Variants in FGF17 observed in about 807,000 individuals in gnomAD.
FGF17 encodes fibroblast growth factor 17.
In FGF17, 5 loss-of-function variants were observed where a neutral mutation model predicts 23.5. The observed-to-expected ratio is 0.21, with a 90% CI of 0.11 to 0.45. The LOEUF (loss-of-function observed/expected upper bound fraction) is 0.45. FGF17 is among the 20% of genes least tolerant of loss of function. The pLI is 0.99. For missense variants in FGF17, 221 were observed against 306.9 expected (o/e 0.72, Z 2.09); for synonymous variants, 136 against 123.0 (o/e 1.11, Z -0.70).
Position 22,047,959 on chromosome 8 carries a change from A to G in FGF17, c.361A>G (p.Ser121Gly). The G allele has an allele frequency of 6.3e-7, 1 of 1,598,740 alleles. No homozygotes were observed. The highest frequency in any genetic ancestry group is 2.3e-5 in the East Asian group (1 of 44,416). Residue 121 changes from serine to glycine, a missense_variant, in exon 5 of 5, where the codon AGC becomes GGC. Ser to Gly is a moderately conservative substitution (Grantham distance 56). Around this residue, in one of 3 missense-constraint regions of FGF17, gnomAD observed 128 missense variants for 150.4 expected, o/e 0.85. Transcript: ENST00000359441. ...NKRGKLIGKP[S>G]GKSKDCVFTE... Reference sequence around the variant, plus strand: ...CCTGTCCTTGCTTCTCCCGCAGCCCAGCGGGAAGAGCAAAGACTGCGTGTT... The same window carrying G: ...CCTGTCCTTGCTTCTCCCGCAGCCCGGCGGGAAGAGCAAAGACTGCGTGTT...
chr8:22,047,876 G>C (rs1585544558), intron 4 of FGF17, 80 bp from the exon 5 acceptor site: 2 of 1,434,234 alleles, frequency 1.4e-6, no homozygotes, highest in East Asian at 4.7e-5. Flanking sequence ...CTCCTCAGTC[G>C]TCCAAAATAG....
intron 2 of FGF17, 200 bp from the exon 3 acceptor site, chr8:22,045,914 G>A (rs987387450): frequency 2.7e-6 from 4 of 1,482,522 alleles, no homozygotes; most frequent in Non-Finnish European, 3.6e-6. Context: ...AGTCCCTTCT[G>A]TAAGGTAGAC....
At chr8:22,047,837 G>C in intron 4 of FGF17, 119 bp from the exon 5 acceptor site, 1 of 974,940 alleles carries the variant, frequency 1.0e-6, no homozygotes, top group Non-Finnish European at 1.5e-6. Flanking sequence ...GAGTTCCCTG[G>C]GCTCACGGCC....
chr8:22,040,371 A>T (rs900227645), upstream of FGF17, among the ~76,000 whole-genome samples: 1 of 152,244 alleles, frequency 6.6e-6, no homozygotes, highest in South Asian at 2.1e-4. Flanking sequence ...CAAGGGCTCC[A>T]TGCTGCCTCC....
upstream of FGF17, among the ~76,000 whole-genome samples, chr8:22,039,712 G>A (rs988930217): frequency 2.0e-5 from 3 of 152,110 alleles, no homozygotes; most frequent in African/African-American, 7.2e-5. Context: ...TGAACAACAA[G>A]AATGAAACTC....
upstream of FGF17, among the ~76,000 whole-genome samples, chr8:22,040,988 C>A (rs372371386): frequency 2.3e-4 from 35 of 152,328 alleles, no homozygotes; most frequent in East Asian, 4.2e-3. Flanking sequence ...GGCACGCGGG[C>A]ACCTGGTACC....
chr8:22,048,726 G>T lies in FGF17; in HGVS notation c.*477G>T. Reference sequence around the variant, plus strand: ...AAAGGGAGAGAGAGGAAAATAGAGGGTTGTCCACTCCTCACATTCCACGAC... The same window carrying T: ...AAAGGGAGAGAGAGGAAAATAGAGGTTTGTCCACTCCTCACATTCCACGAC... On this transcript the variant is annotated 3_prime_UTR_variant, in exon 5 of 5. Transcript: ENST00000359441. The surrounding 1 kb of genome is among the most constrained non-coding windows in gnomAD (Gnocchi z 6.9). 6.1e-6 allele frequency: 1 copy of T among 165,246 alleles called. No individual in the cohort carries two copies. The highest frequency in any genetic ancestry group is 5.9e-5 in the Admixed American group (1 of 16,928). 10.2% of individuals were successfully genotyped at this position (165,246 alleles called of 1,614,324 possible).
chr8:22,043,069 C>CG (rs1800768774), intron 1 of FGF17, 76 bp from the exon 2 acceptor site: 12 of 1,587,380 alleles, frequency 7.6e-6, no homozygotes, highest in African/African-American at 1.3e-5. Flanking sequence ...GCTGGCAGGG[C>CG]GGGGGCGGGG....
At position 22,044,274 on chromosome 8, in the gene FGF17, C is replaced by T. The variant is rs1800807324; in HGVS notation, c.72+1093C>T. Among the ~76,000 whole-genome samples, 3 of 152,228 alleles carry T rather than the reference C, an allele frequency of 2.0e-5. No individual in the cohort carries two copies. The South Asian group carries it at 6.2e-4, about 32-fold the overall frequency. Reference sequence around the variant, plus strand: ...TTCCCCCTTGAAGTGCCCCCTCACCCCCCTGGGAGGGGGGGCCAGCAGGCC... The same window carrying T: ...TTCCCCCTTGAAGTGCCCCCTCACCTCCCTGGGAGGGGGGGCCAGCAGGCC... On this transcript the variant is annotated intron_variant, in intron 2 of 4. Transcript: ENST00000359441.
At chr8:22,043,443 G>C (rs369281163) in intron 2 of FGF17, among the ~76,000 whole-genome samples, 1 of 152,172 alleles carries the variant, frequency 6.6e-6, no homozygotes, top group Admixed American at 6.5e-5. Context: ...CCTCTCCATC[G>C]GGTTCCCCCA....
upstream of FGF17, chr8:22,042,804 G>C (rs145160603): frequency 8.1e-4 from 582 of 718,832 alleles, no homozygotes; most frequent in South Asian, 2.2e-3. Flanking sequence ...TCTCCTCCTC[G>C]CCCCCCTGAA....
Position 22,048,625 on chromosome 8 carries a change from G to GC in FGF17, c.*381dup. 1 of 262,568 alleles carries GC rather than the reference G, an allele frequency of 3.8e-6. No homozygotes were observed. Among genetic ancestry groups the GC allele is most frequent in the Non-Finnish European group, 7.2e-6 (1 of 138,528 alleles). 16.3% of individuals were successfully genotyped at this position (262,568 alleles called of 1,614,324 possible). On this transcript the variant is annotated 3_prime_UTR_variant, in exon 5 of 5. Transcript: ENST00000359441. The surrounding 1 kb of genome is among the most constrained non-coding windows in gnomAD (Gnocchi z 6.9). ...CTGCTTCTCGGATCTCCCTCAGTCT[G>GC]CCCCCAGCCCCCAAACTCCTCCTGG... is the stretch of plus-strand genomic sequence containing the variant.
At chr8:22,047,534 G>A (rs934741308) in intron 4 of FGF17, among the ~76,000 whole-genome samples, 2 of 152,262 alleles carry the variant, frequency 1.3e-5, no homozygotes, top group Admixed American at 6.5e-5. Flanking sequence ...CCTGATTGCA[G>A]ACAGAGTGGG....
chr8:22,045,871 G>A (rs1800853716), intron 2 of FGF17: 1 of 1,416,072 alleles, frequency 7.1e-7, no homozygotes, highest in South Asian at 1.5e-5. Flanking sequence ...GCTGTGCTCT[G>A]TCAATAAGTG....
At position 22,048,598 on chromosome 8, in the gene FGF17, A is replaced by C; in HGVS notation, c.*349A>C. ...CCGTCTGGAGGTGGCTGTCCTCAAA[A>C]TCTGCTTCTCGGATCTCCCTCAGTC... On this transcript the variant is annotated 3_prime_UTR_variant, in exon 5 of 5. Transcript: ENST00000359441. The surrounding 1 kb of genome is among the most constrained non-coding windows in gnomAD (Gnocchi z 6.9). 6.8e-6 allele frequency: 2 copies of C among 292,020 alleles called. No individual in the cohort carries two copies. The highest frequency in any genetic ancestry group is 1.3e-5 in the Non-Finnish European group (2 of 156,722). The allele number at this position is 292,020 out of a possible 1,614,324, so 18.1% of individuals were successfully genotyped here. A position where few individuals can be genotyped will look rare whatever the true frequency, so the allele number is the denominator to read the frequency against.
upstream of FGF17, among the ~76,000 whole-genome samples, chr8:22,041,400 T>C (rs1430046002): frequency 6.6e-6 from 1 of 151,996 alleles, no homozygotes; most frequent in African/African-American, 2.4e-5. Flanking sequence ...GGTAAATAAA[T>C]CCACATCCGC....
chr8:22,045,213 C>T, intron 2 of FGF17: 16 of 985,564 alleles, frequency 1.6e-5, no homozygotes, highest in Non-Finnish European at 1.9e-5. Flanking sequence ...GTTCCTCTCC[C>T]CCAACCCAAA....
Position 22,048,483 on chromosome 8 carries a change from C to A in FGF17, c.*234C>A. 1.8e-6 allele frequency: 1 copy of A among 555,228 alleles called. No individual in the cohort carries two copies. Among genetic ancestry groups the A allele is most frequent in the Non-Finnish European group, 3.2e-6 (1 of 313,280 alleles). 34.4% of individuals were successfully genotyped at this position (555,228 alleles called of 1,614,324 possible). ...GGCCCTGGAGAGGAACTGAGTGTCA[C>A]CCTGATCTCAGGCCACCAGCCTCTG... On this transcript the variant is annotated 3_prime_UTR_variant, in exon 5 of 5. Transcript: ENST00000359441. The surrounding 1 kb of genome is among the most constrained non-coding windows in gnomAD (Gnocchi z 6.9).
Position 22,048,445 on chromosome 8 carries a change from C to A in FGF17, c.*196C>A. 3.3e-6 allele frequency: 2 copies of A among 600,778 alleles called. No homozygotes were observed. The highest frequency in any genetic ancestry group is 5.6e-5 in the East Asian group (2 of 35,796). The allele number at this position is 600,778 out of a possible 1,614,324, so 37.2% of individuals were successfully genotyped here. ...GGCGGCTGGCACAGTGCCCCCTTCCCGGACGGGTGGCAGGCCCTGGAGAGG... is the reference window on the plus strand; with the variant it reads ...GGCGGCTGGCACAGTGCCCCCTTCCAGGACGGGTGGCAGGCCCTGGAGAGG... On this transcript the variant is annotated 3_prime_UTR_variant, in exon 5 of 5. Coordinates refer to ENST00000359441, the MANE Select transcript of FGF17 (RefSeq NM_003867.4). The surrounding 1 kb of genome is among the most constrained non-coding windows in gnomAD (Gnocchi z 6.9).
Sources: gnomAD v4.1 joint callset for allele counts (sites outside exome capture counted in the v4.1 genomes callset) on GRCh38, gnomAD v4.1.1 for gene constraint, gnomAD v4.1.1 regional missense constraint, Gnocchi (gnomAD v3.1) non-coding constraint, MANE v1.5 for transcripts, NCBI Gene and HGNC (gene_info 2026-07-23, HGNC 2026-07-21) for gene names.